The following RBMS3 variants were observed in gnomAD, a reference collection of about 807,000 sequenced individuals.
The protein encoded by RBMS3 is RNA-binding motif, single-stranded-interacting protein 3.
In RBMS3, 27 loss-of-function variants were observed where a neutral mutation model predicts 66.8. The ratio of observed to expected loss-of-function variants is 0.40; its 90% CI spans 0.30 to 0.56. The LOEUF is 0.56. RBMS3 is among the 20% of genes least tolerant of loss of function. The pLI is 0.40. For synonymous variants in RBMS3, 188 were observed against 183.0 expected (o/e 1.03, Z -0.22); for missense variants, 513 against 549.5 (o/e 0.93, Z 0.66).
chr3:29,434,158 T>C (rs2041311404), intron 1 of RBMS3, among the ~76,000 whole-genome samples: 1 of 152,178 alleles, frequency 6.6e-6, no homozygotes, highest in Non-Finnish European at 1.5e-5. Flanking sequence ...CAAGGAACAT[T>C]CAATGTAAAG....
chr3:29,676,037 A>G (rs1226124911), intron 4 of RBMS3, among the ~76,000 whole-genome samples: 4 of 152,248 alleles, frequency 2.6e-5, no homozygotes, highest in African/African-American at 9.6e-5. Context: ...GATGTCCATC[A>G]CTGATAGACT....
At chr3:29,461,467 A>G (rs981559489) in intron 2 of RBMS3, among the ~76,000 whole-genome samples, 4 of 152,230 alleles carry the variant, frequency 2.6e-5, no homozygotes, top group African/African-American at 9.6e-5. Flanking sequence ...TTTTGGTTTC[A>G]CACAATTCCA....
chr3:29,473,854 G>GCGCAGCCCCGGTTCCCGCT (rs1553607970), intron 2 of RBMS3, among the ~76,000 whole-genome samples: 2 of 152,240 alleles, frequency 1.3e-5, no homozygotes, highest in African/African-American at 4.8e-5. Context: ...CAAGCGCCGC[G>GCGCAGCCCCGGTTCCCGCT]CGCAGCCCCG....
intron 4 of RBMS3, among the ~76,000 whole-genome samples, chr3:29,699,459 T>G (rs1258308845): frequency 4.6e-5 from 7 of 152,188 alleles, no homozygotes; most frequent in Non-Finnish European, 5.9e-5. Context: ...TGGAGCTATT[T>G]TCTAATGGCT....
At chr3:29,283,051 C>T (rs907405657) in intron 1 of RBMS3, among the ~76,000 whole-genome samples, 3 of 152,108 alleles carry the variant, frequency 2.0e-5, no homozygotes, top group African/African-American at 4.8e-5. Context: ...CCCTCCTGCT[C>T]GGTGCCTTAA....
intron 5 of RBMS3, among the ~76,000 whole-genome samples, chr3:29,746,133 T>A (rs1416102181): frequency 6.6e-6 from 1 of 152,208 alleles, no homozygotes; most frequent in Non-Finnish European, 1.5e-5. Flanking sequence ...TTAAAAAATA[T>A]GTTAAATAAC....
chr3:29,997,037 A>G (rs1209599114), intron 14 of RBMS3, among the ~76,000 whole-genome samples: 1 of 151,386 alleles, frequency 6.6e-6, no homozygotes. Flanking sequence ...TAATAAAGAA[A>G]AAAAGAGAGA....
intron 4 of RBMS3, among the ~76,000 whole-genome samples, chr3:29,711,427 C>T (rs768742600): frequency 2.0e-5 from 3 of 152,164 alleles, no homozygotes; most frequent in Non-Finnish European, 2.9e-5. Flanking sequence ...TATGGTTTGA[C>T]TCTGTGGACT....
chr3:29,293,706 G>A (rs978302004), intron 1 of RBMS3, among the ~76,000 whole-genome samples: 1 of 151,282 alleles, frequency 6.6e-6, no homozygotes, highest in African/African-American at 2.4e-5. Context: ...TCCTTCCTAG[G>A]GCTAATATTT....
chr3:29,391,157 A>C, intron 1 of RBMS3: 1 of 171,272 alleles, frequency 5.8e-6, no homozygotes. Context: ...GTAGTAGTTA[A>C]GGTCTATGGC....
chr3:29,761,399 T>G (rs768409917), intron 5 of RBMS3, among the ~76,000 whole-genome samples: 4 of 152,242 alleles, frequency 2.6e-5, no homozygotes, highest in Admixed American at 6.5e-5. Context: ...CCTCTCTCAG[T>G]TAATTTTTAA....
At chr3:29,585,094 G>A (rs1053748905) in intron 3 of RBMS3, among the ~76,000 whole-genome samples, 3 of 152,076 alleles carry the variant, frequency 2.0e-5, no homozygotes, top group Admixed American at 2.0e-4. Context: ...GGGAACTGAG[G>A]TTTTCTCCCA....
chr3:29,877,694 G>T (rs1043361759), intron 7 of RBMS3, among the ~76,000 whole-genome samples: 3 of 152,124 alleles, frequency 2.0e-5, no homozygotes, highest in African/African-American at 7.2e-5. Flanking sequence ...AGGGTTGACT[G>T]CCTCTCCTGG....
intron 1 of RBMS3, among the ~76,000 whole-genome samples, chr3:29,360,285 T>G (rs183871674): frequency 2.6e-5 from 4 of 152,190 alleles, no homozygotes; most frequent in African/African-American, 9.7e-5. Flanking sequence ...TCTTTATTTC[T>G]GCCTTCATTT....
intron 4 of RBMS3, among the ~76,000 whole-genome samples, chr3:29,681,350 C>A (rs2051486040): frequency 6.6e-6 from 1 of 151,970 alleles, no homozygotes; most frequent in Non-Finnish European, 1.5e-5. Context: ...TTTTCTTCAG[C>A]TTTTATTTTA....
At chr3:29,745,516 T>C (rs1212365336) in intron 5 of RBMS3, among the ~76,000 whole-genome samples, 1 of 152,056 alleles carries the variant, frequency 6.6e-6, no homozygotes, top group Non-Finnish European at 1.5e-5. Flanking sequence ...ATGAGACTGA[T>C]TGTCCAGCAA....
intron 6 of RBMS3, among the ~76,000 whole-genome samples, chr3:29,821,351 A>T (rs568307008): frequency 6.6e-6 from 1 of 152,088 alleles, no homozygotes; most frequent in African/African-American, 2.4e-5. Context: ...AAGCTCCTGG[A>T]CCTCCTGATT....
intron 1 of RBMS3, among the ~76,000 whole-genome samples, chr3:29,410,285 C>A (rs2040206642): frequency 6.6e-6 from 1 of 152,196 alleles, no homozygotes; most frequent in Non-Finnish European, 1.5e-5. Context: ...GGCCTTCTAA[C>A]AAATATCACC....
intron 4 of RBMS3, among the ~76,000 whole-genome samples, chr3:29,722,871 C>T (rs938584643): frequency 4.6e-5 from 7 of 152,012 alleles, no homozygotes; most frequent in South Asian, 2.1e-4. Flanking sequence ...CACTTGTTTG[C>T]GGTGATATTT....
Sources: gnomAD v4.1 joint callset for allele counts (sites outside exome capture counted in the v4.1 genomes callset) on GRCh38, gnomAD v4.1.1 for gene constraint, MANE v1.5 for transcripts, NCBI Gene and HGNC (gene_info 2026-07-23, HGNC 2026-07-21) for gene names.